Variants in BTBD3 observed in about 807,000 individuals in gnomAD.
BTBD3 encodes BTB/POZ domain-containing protein 3.
A neutral mutation model predicts 41.6 loss-of-function variants in BTBD3; 14 were observed. The ratio of observed to expected loss-of-function variants is 0.34; its 90% CI spans 0.22 to 0.53. The LOEUF is 0.53. Ranked by LOEUF, BTBD3 falls within the 20% of genes least tolerant of loss-of-function variation. The probability of loss-of-function intolerance (pLI) is 0.95; values close to 1 mark genes in which losing one functional copy is unlikely to be tolerated. For synonymous variants in BTBD3, 249 were observed against 233.7 expected (o/e 1.07, Z -0.60); for missense variants, 426 against 654.7 (o/e 0.65, Z 3.81).
chr20:11,894,877 G>A (rs1370039547), intron 1 of BTBD3, among the ~76,000 whole-genome samples: 1 of 152,098 alleles, frequency 6.6e-6, no homozygotes, highest in Admixed American at 6.6e-5. Context: ...CGTTGAGGAA[G>A]ACCACTTATT....
chr20:11,899,095 G>A (rs945413585), intron 1 of BTBD3, among the ~76,000 whole-genome samples: 2 of 152,030 alleles, frequency 1.3e-5, no homozygotes, highest in Admixed American at 1.3e-4. Context: ...CCTTAATGTG[G>A]GTGATAACTA....
At chr20:11,890,849 C>T (rs1388477944) in exon 1 of BTBD3, 1 of 985,216 alleles carries the variant, frequency 1.0e-6, no homozygotes, top group East Asian at 1.1e-4. Flanking sequence ...GCCCGCCGAG[C>T]CCGCCGGGCG....
chr20:11,918,765 C>A lies in BTBD3; in HGVS notation c.326+164C>A, dbSNP rs192775793. ...TTGTATCTTTTCCAAAACAGTACAG[C>A]TGTTTTCCTCTTAGATAAAAATGTT... On this transcript the variant is annotated intron_variant, in intron 1 of 3. Coordinates refer to ENST00000378226, the MANE Select transcript of BTBD3 (RefSeq NM_014962.4). 5.4e-6 allele frequency: 4 copies of A among 743,556 alleles called. No homozygotes were observed. The Admixed American group carries it at 1.4e-4, about 26-fold the overall frequency. 46.1% of individuals were successfully genotyped at this position (743,556 alleles called of 1,614,324 possible).
intron 3 of BTBD3, 76 bp from the exon 4 acceptor site, chr20:11,922,558 A>G: frequency 3.0e-6 from 4 of 1,351,628 alleles, no homozygotes; most frequent in Non-Finnish European, 4.1e-6. Flanking sequence ...AACAAACTTG[A>G]AAGTGGTTGT....
intron 1 of BTBD3, among the ~76,000 whole-genome samples, chr20:11,896,170 T>C (rs867555899): frequency 3.3e-5 from 5 of 152,230 alleles, no homozygotes; most frequent in Non-Finnish European, 1.5e-5. Flanking sequence ...TTAAGGGTCA[T>C]GAAAGATTAT....
Position 11,918,234 on chromosome 20 carries a change from C to A in BTBD3, c.-42C>A. On this transcript the variant is annotated 5_prime_UTR_variant, in exon 1 of 4. Transcript: ENST00000378226. ...AATCTCTTTTCCTTGATGTTCAAAC[C>A]AATTTGGGATATCTAACTCTAAAGA... 2 of 1,511,694 alleles carry A rather than the reference C, an allele frequency of 1.3e-6. No individual in the cohort carries two copies. Among genetic ancestry groups the A allele is most frequent in the South Asian group, 1.4e-5 (1 of 73,344 alleles). The allele number at this position is 1,511,694 out of a possible 1,614,324, so 93.6% of individuals were successfully genotyped here. A position where few individuals can be genotyped will look rare whatever the true frequency, so the allele number is the denominator to read the frequency against.
In BTBD3 at chr20:11,918,182, G is replaced by C; in HGVS notation, c.-94G>C. 1.3e-6 allele frequency: 2 copies of C among 1,491,390 alleles called. No homozygotes were observed. The highest frequency in any genetic ancestry group is 4.6e-5 in the East Asian group (2 of 43,708). The allele number at this position is 1,491,390 out of a possible 1,614,324, so 92.4% of individuals were successfully genotyped here. ...AAGCAGCAAAATATCAGCTTTGTTG[G>C]TTTCAGTTAACCTCTTAGCCCGGGC... On this transcript the variant is annotated 5_prime_UTR_variant, in exon 1 of 4. Transcript: ENST00000378226.
chr20:11,896,596 G>A (rs539776998), intron 1 of BTBD3, among the ~76,000 whole-genome samples: 2 of 152,210 alleles, frequency 1.3e-5, no homozygotes, highest in East Asian at 3.9e-4. Context: ...TAGAATATTG[G>A]CTTTTTGGTT....
At chr20:11,919,569 C>A in intron 2 of BTBD3, 149 bp from the exon 3 acceptor site, 1 of 1,116,438 alleles carries the variant, frequency 9.0e-7, no homozygotes, top group Non-Finnish European at 1.3e-6. Flanking sequence ...CCATGGCAAG[C>A]TACCCTGTGT....
chr20:11,906,591 A>G (rs1484218616), intron 1 of BTBD3, among the ~76,000 whole-genome samples: 1 of 152,108 alleles, frequency 6.6e-6, no homozygotes, highest in Admixed American at 6.5e-5. Flanking sequence ...AAGGGAATAT[A>G]TAGATGGAAG....
chr20:11,915,696 C>G (rs2056913699), upstream of BTBD3, among the ~76,000 whole-genome samples: 1 of 152,148 alleles, frequency 6.6e-6, no homozygotes, highest in South Asian at 2.1e-4. Flanking sequence ...TTTAAACAGC[C>G]ATGCTCATCA....
chr20:11,899,039 T>G (rs116582376), intron 1 of BTBD3, among the ~76,000 whole-genome samples: 1 of 152,210 alleles, frequency 6.6e-6, no homozygotes, highest in East Asian at 1.9e-4. Flanking sequence ...ATCAGTGATA[T>G]ACTGTTACTA....
intron 1 of BTBD3, among the ~76,000 whole-genome samples, chr20:11,895,603 T>G (rs1388971593): frequency 6.6e-6 from 1 of 152,228 alleles, no homozygotes; most frequent in African/African-American, 2.4e-5. Flanking sequence ...GTTTCAGCAT[T>G]CTCTGTGTAG....
chr20:11,912,950 C>G (rs1004984166), upstream of BTBD3, among the ~76,000 whole-genome samples: 5 of 152,222 alleles, frequency 3.3e-5, no homozygotes, highest in Non-Finnish European at 7.3e-5. Context: ...GGACTGCCAA[C>G]ATTTTGTTGC....
At chr20:11,901,168 C>T (rs2056821722) in intron 1 of BTBD3, among the ~76,000 whole-genome samples, 1 of 152,188 alleles carries the variant, frequency 6.6e-6, no homozygotes, top group South Asian at 2.1e-4. Context: ...AAAAGTCCCT[C>T]CTTCTGCTCA....
chr20:11,906,857 G>A (rs1293301681), intron 1 of BTBD3, among the ~76,000 whole-genome samples: 1 of 152,198 alleles, frequency 6.6e-6, no homozygotes, highest in African/African-American at 2.4e-5. Flanking sequence ...TGTGTCTAAT[G>A]TAGTGGAAAT....
chr20:11,919,459 AT>A (rs1185803892), intron 2 of BTBD3: 17 of 1,395,036 alleles, frequency 1.2e-5, no homozygotes, highest in African/African-American at 2.9e-5. Context: ...TCTCCTAGAA[AT>A]TAGTTATGTA....
intron 1 of BTBD3, among the ~76,000 whole-genome samples, chr20:11,898,600 T>C (rs1232487): frequency 0.68 from 103,615 of 152,082 alleles, 35,620 homozygotes; most frequent in African/African-American, 0.73. Flanking sequence ...TAATGTGTCC[T>C]GAGTGCCTAG....
intron 1 of BTBD3, among the ~76,000 whole-genome samples, chr20:11,912,341 A>G (rs34987397): frequency 1.8e-3 from 279 of 152,326 alleles, no homozygotes; most frequent in Admixed American, 3.9e-3. Flanking sequence ...GAAGTCCACA[A>G]TGGGCACCCA....
Sources: allele counts gnomAD v4.1 joint callset (sites outside exome capture counted in the v4.1 genomes callset), GRCh38; gene constraint gnomAD v4.1.1; transcripts MANE v1.5; gene names NCBI Gene and HGNC (gene_info 2026-07-23, HGNC 2026-07-21).